Variants in MECOM observed in about 807,000 individuals in gnomAD.
The protein encoded by MECOM is histone-lysine N-methyltransferase MECOM.
Under a neutral mutation model 116.3 loss-of-function variants are expected in MECOM, and 13 were observed. The observed-to-expected ratio is 0.11, with a 90% CI of 0.07 to 0.18. The LOEUF (loss-of-function observed/expected upper bound fraction) is 0.18. MECOM is among the 10% of genes least tolerant of loss of function. The probability of loss-of-function intolerance (pLI) is 1.00; values close to 1 mark genes in which losing one functional copy is unlikely to be tolerated. For synonymous variants in MECOM, 528 were observed against 535.2 expected, an observed-to-expected ratio of 0.99 and a Z score of 0.19; for missense variants, 1,299 against 1,509.0, an observed-to-expected ratio of 0.86 and a Z score of 2.31.
At chr3:169,186,043 T>C (rs563101255) in intron 2 of MECOM, among the ~76,000 whole-genome samples, 67 of 152,254 alleles carry the variant, frequency 4.4e-4, no homozygotes, top group African/African-American at 1.6e-3. Flanking sequence ...TATCTCTGAC[T>C]CCCTCTGGAC....
chr3:169,162,744 A>T (rs1192663611), intron 2 of MECOM, among the ~76,000 whole-genome samples: 1 of 152,152 alleles, frequency 6.6e-6, no homozygotes, highest in Non-Finnish European at 1.5e-5. Flanking sequence ...AGATAGATTA[A>T]TTTTCCGATG....
intron 2 of MECOM, chr3:169,145,210 T>C: frequency 1.8e-6 from 1 of 555,438 alleles, no homozygotes; most frequent in Admixed American, 3.6e-5. Context: ...CAAACTCTTC[T>C]TTTTCAAGGA....
Position 169,298,533 on chromosome 3 carries a change from A to G in MECOM, c.375+82654T>C, listed in dbSNP as rs12639073. On this transcript the variant is annotated intron_variant, in intron 2 of 16. Transcript: ENST00000651503. ...ATACTATAATTCTAGTATTTAATTA[A>G]ATTATATTAGTATTTAATTCAAATC... Among the ~76,000 whole-genome samples, 1,247 of 151,958 alleles carry G rather than the reference A, an allele frequency of 8.2e-3. 41 individuals carry two copies. The East Asian group carries it at 0.11, about 13-fold the overall frequency.
At chr3:169,661,404 A>T (rs1031373258) in intron 1 of MECOM, among the ~76,000 whole-genome samples, 1 of 152,056 alleles carries the variant, frequency 6.6e-6, no homozygotes, top group African/African-American at 2.4e-5. Flanking sequence ...CTTCAGATGA[A>T]AATAAAGACA....
chr3:169,268,471 C>A (rs1276544242), intron 2 of MECOM, among the ~76,000 whole-genome samples: 1 of 152,170 alleles, frequency 6.6e-6, no homozygotes, highest in Non-Finnish European at 1.5e-5. Context: ...ATGCTATCTT[C>A]TTGTACTTTA....
chr3:169,460,305 A>T (rs1472207275), intron 1 of MECOM, among the ~76,000 whole-genome samples: 1 of 152,116 alleles, frequency 6.6e-6, no homozygotes, highest in Non-Finnish European at 1.5e-5. Flanking sequence ...TCTATGTGAG[A>T]ATATTTTTTT....
At chr3:169,146,719 T>G in intron 2 of MECOM, 1 of 1,228,550 alleles carries the variant, frequency 8.1e-7, no homozygotes, top group Non-Finnish European at 1.0e-6. Context: ...AGGAGTTCTC[T>G]TACCTTTAGA....
At chr3:169,485,739 G>C (rs1486830401) in intron 1 of MECOM, among the ~76,000 whole-genome samples, 1 of 150,550 alleles carries the variant, frequency 6.6e-6, no homozygotes, top group Non-Finnish European at 1.5e-5. Context: ...AGGCAATTTG[G>C]CAACGAAATA....
chr3:169,485,800 T>C (rs1021817073), intron 1 of MECOM, among the ~76,000 whole-genome samples: 1 of 148,574 alleles, frequency 6.7e-6, no homozygotes, highest in African/African-American at 2.5e-5. Context: ...AACTTTGAAA[T>C]GTACAATTCT....
intron 1 of MECOM, among the ~76,000 whole-genome samples, chr3:169,598,156 A>G (rs1289470894): frequency 6.6e-6 from 1 of 152,230 alleles, no homozygotes. Context: ...GGTACAAAAA[A>G]TTCATTTTTC....
At chr3:169,380,400 T>TAC (rs1732198658) in intron 2 of MECOM, among the ~76,000 whole-genome samples, 1 of 152,016 alleles carries the variant, frequency 6.6e-6, no homozygotes, top group African/African-American at 2.4e-5. Flanking sequence ...AAAGTATATA[T>TAC]ATCTACTGAA....
intron 1 of MECOM, among the ~76,000 whole-genome samples, chr3:169,382,102 C>T (rs187337809): frequency 6.6e-6 from 1 of 152,202 alleles, no homozygotes; most frequent in African/African-American, 2.4e-5. Context: ...TTGGTATTTC[C>T]TTGCCTCAGT....
intron 1 of MECOM, among the ~76,000 whole-genome samples, chr3:169,449,430 C>G (rs761985602): frequency 6.6e-6 from 1 of 152,046 alleles, no homozygotes; most frequent in Non-Finnish European, 1.5e-5. Context: ...TTGTTTTCAC[C>G]AAATATGAAA....
intron 2 of MECOM, among the ~76,000 whole-genome samples, chr3:169,239,925 T>C (rs1308511040): frequency 6.6e-6 from 1 of 152,190 alleles, no homozygotes; most frequent in African/African-American, 2.4e-5. Flanking sequence ...TTGTAGAAGC[T>C]TTTTACTACA....
intron 1 of MECOM, among the ~76,000 whole-genome samples, chr3:169,442,512 T>C (rs1300478153): frequency 6.6e-6 from 1 of 152,216 alleles, no homozygotes; most frequent in Non-Finnish European, 1.5e-5. Flanking sequence ...GGCAGGTAAG[T>C]ATCCCAATTA....
At chr3:169,382,172 T>C (rs1732498305) in intron 1 of MECOM, among the ~76,000 whole-genome samples, 1 of 152,144 alleles carries the variant, frequency 6.6e-6, no homozygotes, top group Non-Finnish European at 1.5e-5. Flanking sequence ...TGGGTATTCG[T>C]AAACGCTAAA....
intron 1 of MECOM, among the ~76,000 whole-genome samples, chr3:169,521,610 G>A (rs994241894): frequency 6.6e-6 from 1 of 152,092 alleles, no homozygotes; most frequent in Non-Finnish European, 1.5e-5. Flanking sequence ...GTGCAGCATT[G>A]GAATCACTTG....
At chr3:169,659,390 T>C (rs892053537) in intron 1 of MECOM, among the ~76,000 whole-genome samples, 1 of 146,812 alleles carries the variant, frequency 6.8e-6, no homozygotes, top group African/African-American at 2.5e-5. Context: ...TCCACAGTGC[T>C]GGAGATGAGG....
At chr3:169,098,099 C>T (rs1234005949) in intron 12 of MECOM, among the ~76,000 whole-genome samples, 2 of 152,070 alleles carry the variant, frequency 1.3e-5, no homozygotes, top group African/African-American at 4.8e-5. Flanking sequence ...AAAGGGTTCC[C>T]ATATACCCTT....
Sources: gnomAD v4.1 joint callset for allele counts (sites outside exome capture counted in the v4.1 genomes callset) on GRCh38, gnomAD v4.1.1 for gene constraint, MANE v1.5 for transcripts, NCBI Gene and HGNC (gene_info 2026-07-23, HGNC 2026-07-21) for gene names.